Variants in CDH8 observed in about 807,000 individuals in gnomAD.
The protein encoded by CDH8 is cadherin-8.
In CDH8, 17 loss-of-function variants were observed where a neutral mutation model predicts 68.1. The observed-to-expected ratio is 0.25, with a 90% CI of 0.17 to 0.37. The LOEUF (loss-of-function observed/expected upper bound fraction) is 0.37, where lower values mean the gene tolerates loss of function less well. Among genes scored for constraint, CDH8 ranks in the 10% least tolerant of loss-of-function variants. CDH8 has a pLI of 1.00. For synonymous variants in CDH8, 372 were observed against 365.1 expected (o/e 1.02, Z -0.21); for missense variants, 763 against 999.3 (o/e 0.76, Z 3.19).
chr16:61,710,177 C>G (rs998247753), intron 10 of CDH8, among the ~76,000 whole-genome samples: 1 of 152,164 alleles, frequency 6.6e-6, no homozygotes, highest in Admixed American at 6.6e-5. Flanking sequence ...CATCACAGCA[C>G]AACTATGAGA....
intron 8 of CDH8, among the ~76,000 whole-genome samples, chr16:61,755,836 C>T (rs1457227040): frequency 6.6e-6 from 1 of 151,290 alleles, no homozygotes; most frequent in Non-Finnish European, 1.5e-5. Context: ...GTGGTGGGGA[C>T]AGGGTCTCGC....
Position 61,653,753 on chromosome 16 carries a change from C to T in CDH8, c.2255G>A (p.Arg752Gln), listed in dbSNP as rs370316637. ...DSIQIYGYEG[R>Q]GSVAGSLSSL... ...GCTGAGGGAGCCAGCCACTGACCCT[C>T]GGCCTTCATAGCCATATATCTGAAT... The change falls in exon 12 of 12, where the codon CGA becomes CAA. Residue 752 changes from arginine (R) to glutamine (Q), a missense_variant. This residue lies in a region of CDH8 where 397 missense variants were observed against 436.2 expected (regional missense o/e 0.91). Transcript: ENST00000577390. 24 of 1,614,050 alleles carry T rather than the reference C, an allele frequency of 1.5e-5. No homozygotes were observed. The highest frequency in any genetic ancestry group is 3.3e-5 in the South Asian group (3 of 91,090).
chr16:61,691,115 C>T (rs1040892793), intron 10 of CDH8, among the ~76,000 whole-genome samples: 1 of 152,000 alleles, frequency 6.6e-6, no homozygotes, highest in South Asian at 2.1e-4. Flanking sequence ...CTTTGTTTGC[C>T]GCACACACCT....
chr16:61,980,897 AT>A (rs1450798090), intron 2 of CDH8, among the ~76,000 whole-genome samples: 1 of 152,202 alleles, frequency 6.6e-6, no homozygotes, highest in African/African-American at 2.4e-5. Context: ...AAAACGCCAG[AT>A]TTGGAAAGAT....
chr16:61,918,002 T>C lies in CDH8; in HGVS notation c.253-16529A>G, dbSNP rs557942526. Among the ~76,000 whole-genome samples the C allele has an allele frequency of 4.3e-3, 652 of 150,146 alleles. 6 individuals are homozygous for C. Among genetic ancestry groups the C allele is most frequent in the Non-Finnish European group, 4.8e-3 (323 of 67,678 alleles). ...TTTTTTTTTTTACCGTACTGACATT[T>C]GTACTGATGTACATGTAATGATGGG... On this transcript the variant is annotated intron_variant, in intron 2 of 11. Coordinates refer to ENST00000577390, the MANE Select transcript of CDH8 (RefSeq NM_001796.5).
At chr16:61,863,537 A>G (rs116436128) in intron 3 of CDH8, among the ~76,000 whole-genome samples, 228 of 152,242 alleles carry the variant, frequency 1.5e-3, no homozygotes, top group African/African-American at 5.0e-3. Context: ...TCAGAAAGAA[A>G]AATGCTGGTG....
chr16:61,761,427 C>T (rs749282279), intron 8 of CDH8, among the ~76,000 whole-genome samples: 6 of 152,098 alleles, frequency 3.9e-5, no homozygotes, highest in Non-Finnish European at 8.8e-5. Context: ...AATTCTGGTA[C>T]ATGTGCATTT....
chr16:61,885,606 A>T (rs1249984492), intron 3 of CDH8, among the ~76,000 whole-genome samples: 1 of 151,842 alleles, frequency 6.6e-6, no homozygotes, highest in African/African-American at 2.4e-5. Flanking sequence ...TAAGTTTGAC[A>T]TTGTAACGTG....
intron 2 of CDH8, among the ~76,000 whole-genome samples, chr16:61,945,327 T>C (rs1261517911): frequency 1.3e-5 from 2 of 151,894 alleles, no homozygotes; most frequent in Non-Finnish European, 2.9e-5. Flanking sequence ...CAGCTGCTTC[T>C]TAAAAAACGG....
At chr16:61,932,698 T>C (rs1964565408) in intron 2 of CDH8, among the ~76,000 whole-genome samples, 1 of 152,218 alleles carries the variant, frequency 6.6e-6, no homozygotes, top group Non-Finnish European at 1.5e-5. Flanking sequence ...AGTTGTTTCC[T>C]GTCTTCTATC....
At chr16:61,990,880 GGAAA>G (rs1344058073) in intron 2 of CDH8, among the ~76,000 whole-genome samples, 31 of 146,376 alleles carry the variant, frequency 2.1e-4, no homozygotes, top group African/African-American at 5.3e-4. Context: ...AAGGAAGGAA[GGAAA>G]GAAGGAAGGA....
intron 3 of CDH8, among the ~76,000 whole-genome samples, chr16:61,883,296 T>C (rs1963612017): frequency 6.6e-6 from 1 of 152,142 alleles, no homozygotes. Context: ...GAGATTTTTA[T>C]CCATTTCACT....
intron 10 of CDH8, among the ~76,000 whole-genome samples, chr16:61,710,025 AATG>A (rs1964603576): frequency 6.6e-6 from 1 of 152,150 alleles, no homozygotes; most frequent in Non-Finnish European, 1.5e-5. Context: ...CCTGGCTGAG[AATG>A]ATAAGCCAGA....
chr16:61,744,701 C>A (rs1959969233), intron 8 of CDH8, among the ~76,000 whole-genome samples: 1 of 150,932 alleles, frequency 6.6e-6, no homozygotes, highest in Non-Finnish European at 1.5e-5. Context: ...CTTATATAGT[C>A]TTTAATATTA....
chr16:61,899,204 C>T (rs1317428647), intron 3 of CDH8, among the ~76,000 whole-genome samples: 1 of 152,122 alleles, frequency 6.6e-6, no homozygotes, highest in Non-Finnish European at 1.5e-5. Flanking sequence ...GTTCAACTCC[C>T]ACTTATGAGT....
chr16:61,716,553 G>A (rs1300735367), intron 9 of CDH8, among the ~76,000 whole-genome samples: 2 of 151,694 alleles, frequency 1.3e-5, no homozygotes, highest in Non-Finnish European at 3.0e-5. Flanking sequence ...GTACACACAA[G>A]TATGAGAACC....
chr16:61,659,666 A>AT (rs769357445), intron 10 of CDH8, among the ~76,000 whole-genome samples: 30 of 151,872 alleles, frequency 2.0e-4, no homozygotes, highest in African/African-American at 4.6e-4. Flanking sequence ...ACTTGAGGCT[A>AT]TTTTTTCCCC....
intron 2 of CDH8, among the ~76,000 whole-genome samples, chr16:61,959,877 G>T (rs1965059242): frequency 6.9e-6 from 1 of 144,792 alleles, no homozygotes; most frequent in African/African-American, 2.6e-5. Flanking sequence ...GCATATATAT[G>T]TGTATATGTG....
At chr16:61,788,324 G>T (rs1330301482) in intron 8 of CDH8, among the ~76,000 whole-genome samples, 1 of 151,848 alleles carries the variant, frequency 6.6e-6, no homozygotes, top group African/African-American at 2.4e-5. Flanking sequence ...TGAATTTTAG[G>T]GCATATTTCC....
Sources: allele counts gnomAD v4.1 joint callset (sites outside exome capture counted in the v4.1 genomes callset), GRCh38; gene constraint gnomAD v4.1.1; regional missense constraint gnomAD v4.1.1; transcripts MANE v1.5; gene names NCBI Gene and HGNC (gene_info 2026-07-23, HGNC 2026-07-21).